EIF2AK4: variants seen among roughly 807,000 people sequenced by gnomAD.
The protein encoded by EIF2AK4 is eukaryotic translation initiation factor 2 alpha kinase 4, also known as eIF-2-alpha kinase GCN2.
Under a neutral mutation model 211.1 loss-of-function variants are expected in EIF2AK4, and 139 were observed. That is an observed-to-expected ratio of 0.66 (90% CI 0.57 to 0.76). The LOEUF is 0.76. Ranked by LOEUF, EIF2AK4 falls within the 30% of genes least tolerant of loss-of-function variation. The pLI is 0.00. For missense variants in EIF2AK4, 1,664 were observed against 2,043.8 expected (o/e 0.81, Z 3.58); for synonymous variants, 710 against 751.3 (o/e 0.94, Z 0.90).
intron 29 of EIF2AK4, among the ~76,000 whole-genome samples, chr15:40,018,765 A>AT (rs2035343387): frequency 6.6e-6 from 1 of 152,160 alleles, no homozygotes; most frequent in African/African-American, 2.4e-5. Context: ...AGGATTTTAC[A>AT]TTTTTTTCAA....
intron 11 of EIF2AK4, chr15:39,975,087 G>T (rs1407868329): frequency 6.6e-6 from 1 of 152,150 alleles, no homozygotes; most frequent in Non-Finnish European, 1.5e-5. Flanking sequence ...AGAACACAGG[G>T]CTATCATTTT....
chr15:39,986,874 C>CAAA (rs761107641), intron 14 of EIF2AK4, among the ~76,000 whole-genome samples: 6 of 147,234 alleles, frequency 4.1e-5, no homozygotes, highest in South Asian at 4.3e-4. Context: ...ACAACAACAA[C>CAAA]AACAACAAAA....
chr15:39,996,156 C>T (rs1437676960), intron 18 of EIF2AK4, among the ~76,000 whole-genome samples: 1 of 152,168 alleles, frequency 6.6e-6, no homozygotes, highest in Non-Finnish European at 1.5e-5. Context: ...TAATGTCCTG[C>T]AGGTTCATCT....
At chr15:39,957,348 A>G (rs760345679) in intron 6 of EIF2AK4, among the ~76,000 whole-genome samples, 2 of 152,096 alleles carry the variant, frequency 1.3e-5, no homozygotes, top group African/African-American at 4.8e-5. Flanking sequence ...AGGCTGAAGG[A>G]TCACTTGAGC....
chr15:39,984,475 TA>T (rs2034836704), intron 13 of EIF2AK4, among the ~76,000 whole-genome samples: 2 of 152,230 alleles, frequency 1.3e-5, no homozygotes, highest in African/African-American at 4.8e-5. Context: ...TGTTTCTTCC[TA>T]TCCATGAGCA....
At chr15:39,953,126 A>G (rs1041527873) in intron 4 of EIF2AK4, among the ~76,000 whole-genome samples, 1 of 152,184 alleles carries the variant, frequency 6.6e-6, no homozygotes, top group African/African-American at 2.4e-5. Flanking sequence ...GATTACAGGC[A>G]TGAGCTACCG....
chr15:39,951,088 A>G (rs1476809985), intron 4 of EIF2AK4, among the ~76,000 whole-genome samples: 1 of 152,232 alleles, frequency 6.6e-6, no homozygotes, highest in East Asian at 1.9e-4. Flanking sequence ...TTGACCCCAT[A>G]GGAAAAAAAT....
chr15:39,954,065 T>TG, intron 5 of EIF2AK4, 81 bp downstream of exon 5: 16 of 1,154,470 alleles, frequency 1.4e-5, no homozygotes, highest in Non-Finnish European at 1.6e-5. Flanking sequence ...TCTGTGTTAC[T>TG]ATCAGTAATA....
At chr15:39,955,872 A>G in intron 6 of EIF2AK4, 104 bp downstream of exon 6, 2 of 1,315,312 alleles carry the variant, frequency 1.5e-6, no homozygotes, top group East Asian at 2.6e-5. Context: ...CGATAGTCTT[A>G]ATAACTTTTT....
At chr15:40,031,563 G>T (rs991188541) in intron 35 of EIF2AK4, among the ~76,000 whole-genome samples, 1 of 151,830 alleles carries the variant, frequency 6.6e-6, no homozygotes, top group Non-Finnish European at 1.5e-5. Flanking sequence ...CTGTCTCTGT[G>T]TGCACTGTTT....
intron 17 of EIF2AK4, 55 bp downstream of exon 17, chr15:39,992,284 TA>T: frequency 6.8e-7 from 1 of 1,463,538 alleles, no homozygotes; most frequent in Non-Finnish European, 9.3e-7. Context: ...CAGAATTTCT[TA>T]ACCTGAAACC....
chr15:39,955,714 C>T lies in EIF2AK4; in HGVS notation c.689C>T (p.Ser230Phe), dbSNP rs758310581. The change falls in exon 6 of 39, where the codon TCT (serine) becomes TTT (phenylalanine). Residue 230 changes from serine (S) to phenylalanine (F), a missense_variant. Ser to Phe is a radical substitution (Grantham distance 155). Coordinates refer to ENST00000263791, the MANE Select transcript of EIF2AK4 (RefSeq NM_001013703.4). ...HRTAAILHGG[S>F]PDFVGNGKHR... is the part of the protein sequence containing the mutation. ...ACGGCTGCCATTCTACATGGAGGCT[C>T]TCCTGACTTTGTAGGAAATGGTAAA... 1.3e-5 allele frequency: 21 copies of T among 1,612,762 alleles called. No homozygotes were observed. Among genetic ancestry groups the T allele is most frequent in the Admixed American group, 3.4e-5 (2 of 59,686 alleles).
intron 2 of EIF2AK4, among the ~76,000 whole-genome samples, chr15:39,940,212 C>T (rs1423890024): frequency 1.3e-5 from 2 of 152,228 alleles, no homozygotes; most frequent in East Asian, 3.8e-4. Flanking sequence ...TCCAGACTCC[C>T]TCTGAAGGTG....
chr15:39,978,183 G>A (rs371638879), intron 13 of EIF2AK4, 36 bp downstream of exon 13: 63 of 1,252,422 alleles, frequency 5.0e-5, no homozygotes, highest in African/African-American at 7.4e-5. Flanking sequence ...CATTTTATTC[G>A]TGATATAATT....
intron 2 of EIF2AK4, among the ~76,000 whole-genome samples, chr15:39,943,148 A>G (rs1000546167): frequency 6.6e-6 from 1 of 152,200 alleles, no homozygotes; most frequent in African/African-American, 2.4e-5. Flanking sequence ...AATTAGATAC[A>G]GGGGTCAAGC....
chr15:40,013,822 C>T (rs1300848381), intron 27 of EIF2AK4, among the ~76,000 whole-genome samples: 1 of 152,162 alleles, frequency 6.6e-6, no homozygotes, highest in Non-Finnish European at 1.5e-5. Flanking sequence ...CATGTCCTCA[C>T]ATCTCAAAAC....
chr15:39,947,909 G>T (rs565805260), intron 3 of EIF2AK4, among the ~76,000 whole-genome samples: 2 of 152,314 alleles, frequency 1.3e-5, no homozygotes, highest in East Asian at 3.9e-4. Flanking sequence ...AACAGCAAAA[G>T]AAAAACCCTC....
rs1313616075 is a variant in EIF2AK4 at position 39,972,833 on chromosome 15, T to C, written c.1554-75T>C. 7.8e-6 allele frequency: 9 copies of C among 1,156,432 alleles called. No individual in the cohort carries two copies. The East Asian group carries it at 1.4e-4, about 18-fold the overall frequency. 71.6% of individuals were successfully genotyped at this position (1,156,432 alleles called of 1,614,324 possible). On this transcript the variant is annotated intron_variant, in intron 9 of 38. Coordinates refer to ENST00000263791, the MANE Select transcript of EIF2AK4 (RefSeq NM_001013703.4). ...TGTGTATCTTTAAAAAATAAACCCATAGTTAATGCCTTGGATTAACTAGTT... is the reference window on the plus strand; with the variant it reads ...TGTGTATCTTTAAAAAATAAACCCACAGTTAATGCCTTGGATTAACTAGTT...
intron 2 of EIF2AK4, among the ~76,000 whole-genome samples, chr15:39,942,242 T>A (rs1395719105): frequency 2.0e-5 from 3 of 151,054 alleles, no homozygotes; most frequent in Non-Finnish European, 3.0e-5. Context: ...GACTCCCGGG[T>A]TAGATTCTGG....
Sources: gnomAD v4.1 joint callset for allele counts (sites outside exome capture counted in the v4.1 genomes callset) on GRCh38, gnomAD v4.1.1 for gene constraint, MANE v1.5 for transcripts, NCBI Gene and HGNC (gene_info 2026-07-23, HGNC 2026-07-21) for gene names.